The following CAMSAP1 variants were observed in gnomAD, a reference collection of about 807,000 sequenced individuals.
CAMSAP1 encodes calmodulin-regulated spectrin-associated protein 1.
In CAMSAP1, 58 loss-of-function variants were observed where a neutral mutation model predicts 143.5. The observed-to-expected ratio is 0.40, with a 90% CI of 0.33 to 0.50. CAMSAP1 has a LOEUF of 0.50. Ranked by LOEUF, CAMSAP1 falls within the 20% of genes least tolerant of loss-of-function variation. The pLI is 0.45. For missense variants in CAMSAP1, 1,969 were observed against 2,115.7 expected (o/e 0.93, Z 1.36); for synonymous variants, 945 against 859.3 (o/e 1.10, Z -1.74).
chr9:135,907,029 T>C lies in CAMSAP1; in HGVS notation c.131A>G (p.Gln44Arg). The change falls in exon 1 of 17, where the codon CAG becomes CGG. Residue 44 changes from glutamine (Q) to arginine (R), a missense_variant. Gln to Arg is a conservative substitution (Grantham distance 43). Transcript: ENST00000389532. ...AARAKIAANL[Q>R]WICAKAYGRD... Reference sequence around the variant, plus strand: ...GCCGTAGGCCTTGGCGCAGATCCACTGCAGGTTGGCGGCGATCTTGGCGCG... The same window carrying C: ...GCCGTAGGCCTTGGCGCAGATCCACCGCAGGTTGGCGGCGATCTTGGCGCG... 1 of 1,188,056 alleles carries C rather than the reference T, an allele frequency of 8.4e-7. No individual in the cohort carries two copies. The highest frequency in any genetic ancestry group is 1.1e-6 in the Non-Finnish European group (1 of 947,788). The allele number at this position is 1,188,056 out of a possible 1,614,324, so 73.6% of individuals were successfully genotyped here.
intron 14 of CAMSAP1, chr9:135,817,760 G>A (rs1415034961): frequency 3.7e-6 from 2 of 535,538 alleles, no homozygotes; most frequent in South Asian, 2.1e-5. Context: ...GACAGGGGAG[G>A]GTGATAAGGT....
intron 1 of CAMSAP1, among the ~76,000 whole-genome samples, chr9:135,892,994 C>T (rs1470661476): frequency 6.6e-6 from 1 of 151,802 alleles, no homozygotes; most frequent in Non-Finnish European, 1.5e-5. Flanking sequence ...CATGATGAGA[C>T]CCTATCTCTA....
rs758030894 is a variant in CAMSAP1, at chr9:135,822,943, G to C, written c.1718C>G (p.Ala573Gly). Reference sequence around the variant, plus strand: ...GTCCAGCTGTCCTTGGGGAGACCGGGCATTTGCTGTAAGGCCTAAGGCCCG... The same window carrying C: ...GTCCAGCTGTCCTTGGGGAGACCGGCCATTTGCTGTAAGGCCTAAGGCCCG... Reference protein sequence around the residue: ...SPRALGLTANARSPQGQLDTS... With the variant: ...SPRALGLTANGRSPQGQLDTS... The change falls in exon 11 of 17, where the codon GCC (alanine) becomes GGC (glycine). Residue 573 changes from alanine to glycine, a missense_variant. Physicochemically the swap from Ala to Gly is moderately conservative, Grantham distance 60. Around this residue, in one of 4 missense-constraint regions of CAMSAP1, gnomAD observed 1,390 missense variants for 1,420.8 expected, o/e 0.98. Coordinates refer to ENST00000389532, the MANE Select transcript of CAMSAP1 (RefSeq NM_015447.4). The surrounding 1 kb of genome is among the most constrained non-coding windows in gnomAD (Gnocchi z 6.1). 1.7e-5 allele frequency: 27 copies of C among 1,613,852 alleles called. No homozygotes were observed. In the South Asian group the frequency reaches 2.5e-4, roughly 15 times the overall value.
intron 5 of CAMSAP1, among the ~76,000 whole-genome samples, chr9:135,860,878 A>C (rs1441253512): frequency 6.6e-6 from 1 of 152,102 alleles, no homozygotes; most frequent in East Asian, 1.9e-4. Flanking sequence ...GGCTCATGGA[A>C]ATGTCCCTGC....
rs1257720794 is a variant in CAMSAP1, at chr9:135,808,547, A to C, written c.*2762T>G. 1 of 152,242 alleles carries C rather than the reference A, an allele frequency of 6.6e-6. No homozygotes were observed. Among genetic ancestry groups the C allele is most frequent in the Non-Finnish European group, 1.5e-5 (1 of 68,036 alleles). 9.4% of individuals were successfully genotyped at this position (152,242 alleles called of 1,614,324 possible). A position where few individuals can be genotyped will look rare whatever the true frequency, so the allele number is the denominator to read the frequency against. On this transcript the variant is annotated 3_prime_UTR_variant, in exon 17 of 17. Transcript: ENST00000389532. Reference sequence around the variant, plus strand: ...TTTTGCCCTCCAAGTGACAACTACAATTTCAGGGAGGTAAAAGTATAACCT... The same window carrying C: ...TTTTGCCCTCCAAGTGACAACTACACTTTCAGGGAGGTAAAAGTATAACCT...
rs1835540603 is a variant in CAMSAP1, at chr9:135,823,028, T to C, written c.1633A>G (p.Ile545Val). 3 of 1,613,956 alleles carry C rather than the reference T, an allele frequency of 1.9e-6. No homozygotes were observed. The highest frequency in any genetic ancestry group is 2.5e-6 in the Non-Finnish European group (3 of 1,179,896). The change falls in exon 11 of 17, where the codon ATT becomes GTT. Residue 545 changes from isoleucine to valine, a missense_variant. By Grantham distance (29) the Ile-to-Val change is conservative (BLOSUM62 3). Around this residue, in one of 4 missense-constraint regions of CAMSAP1, gnomAD observed 1,390 missense variants for 1,420.8 expected, o/e 0.98. Coordinates refer to ENST00000389532, the MANE Select transcript of CAMSAP1 (RefSeq NM_015447.4). ...IEDEEEELVAIVRADVVPQQA... is the reference protein window; with the variant it reads ...IEDEEEELVAVVRADVVPQQA... ...TGGGGAACCACGTCTGCTCTAACAA[T>C]AGCCACAAGCTCCTCTTCCTCATCC...
At chr9:135,849,863 T>C in intron 7 of CAMSAP1, 1 of 293,980 alleles carries the variant, frequency 3.4e-6, no homozygotes, top group Non-Finnish European at 6.3e-6. Context: ...AACATTTTTT[T>C]TTTTTCAGTT....
intron 7 of CAMSAP1, among the ~76,000 whole-genome samples, chr9:135,831,478 A>AT (rs1324330587): frequency 6.6e-6 from 1 of 151,168 alleles, no homozygotes; most frequent in Non-Finnish European, 1.5e-5. Context: ...TCTTTTTTTA[A>AT]TTAAAAAAAA....
In CAMSAP1 at chr9:135,817,300, G is replaced by A. The variant is rs143876143; in HGVS notation, c.4271+677C>T. Among the ~76,000 whole-genome samples the A allele has an allele frequency of 6.6e-5, 10 of 152,284 alleles. No individual in the cohort carries two copies. The South Asian group carries it at 1.5e-3, about 22-fold the overall frequency. ...GTGCTGCCTTGGTAACTGGTAACACGAGAAAACATTCTCGTTCTAGGAAAT... is the reference window on the plus strand; with the variant it reads ...GTGCTGCCTTGGTAACTGGTAACACAAGAAAACATTCTCGTTCTAGGAAAT... On this transcript the variant is annotated intron_variant, in intron 14 of 16. Transcript: ENST00000389532.
intron 7 of CAMSAP1, among the ~76,000 whole-genome samples, chr9:135,849,135 C>T (rs1240484674): frequency 6.6e-6 from 1 of 152,230 alleles, no homozygotes; most frequent in Non-Finnish European, 1.5e-5. Context: ...ACACTGAATA[C>T]ACTTAACCTA....
chr9:135,867,541 A>G (rs1229921537), intron 3 of CAMSAP1, among the ~76,000 whole-genome samples: 2 of 151,946 alleles, frequency 1.3e-5, no homozygotes, highest in South Asian at 2.1e-4. Context: ...ATACCAATAC[A>G]TAACATGAAA....
chr9:135,815,279 A>G (rs1298299228), intron 15 of CAMSAP1, 64 bp from the exon 16 acceptor site: 2 of 1,080,302 alleles, frequency 1.9e-6, no homozygotes, highest in East Asian at 2.5e-5. Context: ...ACAAAAAAGA[A>G]AACCAGCAAT....
chr9:135,873,290 A>G (rs1186932836), intron 3 of CAMSAP1, among the ~76,000 whole-genome samples: 2 of 152,200 alleles, frequency 1.3e-5, no homozygotes, highest in Non-Finnish European at 2.9e-5. Context: ...GATGAAAGAC[A>G]TGGCCTATAA....
chr9:135,824,856 G>A lies in CAMSAP1; in HGVS notation c.1248C>T (p.Ser416=). 1 of 1,600,144 alleles carries A rather than the reference G, an allele frequency of 6.2e-7. No individual in the cohort carries two copies. The highest frequency in any genetic ancestry group is 1.1e-5 in the South Asian group (1 of 87,868). Residue 416 remains serine, a synonymous_variant, in exon 9 of 17, where the codon AGC becomes AGT. Coordinates refer to ENST00000389532, the MANE Select transcript of CAMSAP1 (RefSeq NM_015447.4). The surrounding 1 kb of genome is among the most constrained non-coding windows in gnomAD (Gnocchi z 4.1). ...TCAGTGGCAATAAAGGATGGGATGG[G>A]CTGAAGGCAGCAGTTCCTTTCCCGC... ...EYLGKGTAAF[S]PSHPLLPLRQ...
intron 3 of CAMSAP1, among the ~76,000 whole-genome samples, chr9:135,867,469 A>ACC (rs371398774): frequency 2.4e-4 from 30 of 123,648 alleles, no homozygotes; most frequent in Non-Finnish European, 2.6e-4. Flanking sequence ...ACACAGCAAG[A>ACC]CCCCCCTCTT....
At chr9:135,863,075 A>G (rs182217612) in intron 4 of CAMSAP1, among the ~76,000 whole-genome samples, 12 of 152,322 alleles carry the variant, frequency 7.9e-5, no homozygotes, top group Admixed American at 3.9e-4. Flanking sequence ...GAAAAACACA[A>G]AACAGCATGA....
At chr9:135,819,294 T>A in intron 11 of CAMSAP1, 148 bp from the exon 12 acceptor site, 1 of 1,162,338 alleles carries the variant, frequency 8.6e-7, no homozygotes, top group South Asian at 1.6e-5. Flanking sequence ...TTACAGACTC[T>A]GAAATACGAA....
chr9:135,811,746 T>C lies in CAMSAP1; in HGVS notation c.4507-135A>G. 1.3e-6 allele frequency: 1 copy of C among 768,326 alleles called. No individual in the cohort carries two copies. Among genetic ancestry groups the C allele is most frequent in the Non-Finnish European group, 2.1e-6 (1 of 478,412 alleles). 47.6% of individuals were successfully genotyped at this position (768,326 alleles called of 1,614,324 possible). ...CCACCCGTCAGCTACGGCCTGCCTG[T>C]TGTAAACAATTACAGCAGACCCCTG... On this transcript the variant is annotated intron_variant, in intron 16 of 16. Coordinates refer to ENST00000389532, the MANE Select transcript of CAMSAP1 (RefSeq NM_015447.4). The surrounding 1 kb of genome is among the most constrained non-coding windows in gnomAD (Gnocchi z 4.9).
At chr9:135,838,440 C>T (rs1836203918) in intron 7 of CAMSAP1, among the ~76,000 whole-genome samples, 2 of 147,996 alleles carry the variant, frequency 1.4e-5, no homozygotes, top group South Asian at 4.4e-4. Context: ...TACAGACACA[C>T]ATCATCACGC....
Sources: allele counts gnomAD v4.1 joint callset (sites outside exome capture counted in the v4.1 genomes callset), GRCh38; gene constraint gnomAD v4.1.1; regional missense constraint gnomAD v4.1.1; non-coding constraint Gnocchi (gnomAD v3.1); transcripts MANE v1.5; gene names NCBI Gene and HGNC (gene_info 2026-07-23, HGNC 2026-07-21).